P4HA3: variants seen among roughly 807,000 people sequenced by gnomAD.
P4HA3 encodes prolyl 4-hydroxylase subunit alpha 3, also known as prolyl 4-hydroxylase subunit alpha-3.
P4HA3 carries 60 observed loss-of-function variants against 66.7 expected under a neutral mutation model. The ratio of observed to expected loss-of-function variants is 0.90; its 90% confidence interval spans 0.73 to 1.12. The LOEUF is 1.12. Ranked by LOEUF, P4HA3 falls within the 50% of genes most tolerant of loss-of-function variation. P4HA3 has a pLI of 0.00. For synonymous variants in P4HA3, 263 were observed against 274.6 expected, an observed-to-expected ratio of 0.96 and a Z score of 0.42; for missense variants, 683 against 685.8, an observed-to-expected ratio of 1.00 and a Z score of 0.05.
chr11:74,287,790 G>A (rs1860849916), intron 5 of P4HA3, among the ~76,000 whole-genome samples: 1 of 152,144 alleles, frequency 6.6e-6, no homozygotes, highest in Admixed American at 6.5e-5. Flanking sequence ...GCTGAGGCAG[G>A]TGGAACACTT....
At chr11:74,298,864 G>A (rs1861308881) in intron 3 of P4HA3, among the ~76,000 whole-genome samples, 1 of 152,256 alleles carries the variant, frequency 6.6e-6, no homozygotes, top group African/African-American at 2.4e-5. Flanking sequence ...GCTGTAGCTA[G>A]GGTGAAGAGA....
rs144532615 is a variant in P4HA3 at position 74,267,300 on chromosome 11, T to G, written c.1583A>C (p.His528Pro). ...GDKWVANKWI[H>P]EYGQEFRRPC... ...TCTGCGGAATTCCTGTCCATACTCA[T>G]GTATCCACTTGTTGGCCACTGGGAG... Residue 528 changes from histidine (H) to proline (P), a missense_variant, in exon 13 of 13, where the codon CAT becomes CCT. His to Pro is a moderately conservative substitution (Grantham distance 77). Coordinates refer to ENST00000331597, the MANE Select transcript of P4HA3 (RefSeq NM_182904.5). The G allele has an allele frequency of 6.2e-7, 1 of 1,614,070 alleles. No homozygotes were observed. The highest frequency in any genetic ancestry group is 1.3e-5 in the African/African-American group (1 of 74,942).
chr11:74,298,751 A>G (rs1049033531), intron 3 of P4HA3, among the ~76,000 whole-genome samples: 15 of 152,218 alleles, frequency 9.9e-5, no homozygotes, highest in African/African-American at 3.6e-4. Flanking sequence ...TGAAGAAGGA[A>G]AAGGATATCA....
intron 15 of P4HA3, chr11:74,252,327 A>C: frequency 2.0e-5 from 8 of 396,984 alleles, no homozygotes; most frequent in South Asian, 1.3e-4. Context: ...GCCTCAAGTG[A>C]TCCACCCGCA....
intron 8 of P4HA3, 139 bp from the exon 9 acceptor site, chr11:74,277,283 G>C: frequency 8.9e-7 from 1 of 1,119,858 alleles, no homozygotes; most frequent in Non-Finnish European, 1.3e-6. Flanking sequence ...AGAGAGGGAG[G>C]GAAGACAGAC....
chr11:74,287,075 C>T (rs558561301), intron 5 of P4HA3: 2 of 1,162,086 alleles, frequency 1.7e-6, no homozygotes, highest in South Asian at 3.5e-5. Flanking sequence ...CCACAGGGCC[C>T]TTGGGAAACC....
intron 15 of P4HA3, chr11:74,253,455 T>A (rs185000095): frequency 6.3e-7 from 1 of 1,588,210 alleles, no homozygotes; most frequent in Admixed American, 1.7e-5. Flanking sequence ...TATTGATAGT[T>A]ACATTTGTTT....
At chr11:74,296,603 G>A (rs1189540145) in intron 4 of P4HA3, among the ~76,000 whole-genome samples, 1 of 152,166 alleles carries the variant, frequency 6.6e-6, no homozygotes, top group Non-Finnish European at 1.5e-5. Flanking sequence ...GACATTCGAG[G>A]TGTGCCTTGT....
chr11:74,303,703 C>T (rs968819492), intron 2 of P4HA3, among the ~76,000 whole-genome samples: 1 of 151,870 alleles, frequency 6.6e-6, no homozygotes, highest in South Asian at 2.1e-4. Context: ...TGCCTCAGCT[C>T]CCGAGTAGCT....
intron 1 of P4HA3, among the ~76,000 whole-genome samples, chr11:74,310,021 A>T (rs1479740461): frequency 6.6e-6 from 1 of 152,168 alleles, no homozygotes; most frequent in Non-Finnish European, 1.5e-5. Flanking sequence ...GTCACCCCAG[A>T]ATCAGTATTA....
At chr11:74,251,135 A>G (rs1859648234) in intron 15 of P4HA3, 4 of 1,505,688 alleles carry the variant, frequency 2.7e-6, no homozygotes, top group African/African-American at 1.4e-5. Context: ...TGTGGAGCCT[A>G]TGCAGATGCA....
intron 15 of P4HA3, chr11:74,255,870 C>T (rs909185591): frequency 4.1e-6 from 2 of 489,224 alleles, no homozygotes; most frequent in African/African-American, 4.0e-5. Context: ...TCATGAGCTC[C>T]CTAGTAGAGG....
chr11:74,253,287 G>A (rs1302143241), intron 15 of P4HA3, among the ~76,000 whole-genome samples: 1 of 152,162 alleles, frequency 6.6e-6, no homozygotes, highest in Non-Finnish European at 1.5e-5. Context: ...TTTGGCTGGG[G>A]CCCTTCGACC....
intron 1 of P4HA3, among the ~76,000 whole-genome samples, chr11:74,306,149 A>C (rs976133415): frequency 6.6e-6 from 1 of 152,156 alleles, no homozygotes; most frequent in African/African-American, 2.4e-5. Context: ...GGTTCAAGGA[A>C]GGAGTTTAGG....
chr11:74,294,047 A>T (rs1281214092), intron 4 of P4HA3, among the ~76,000 whole-genome samples: 1 of 152,206 alleles, frequency 6.6e-6, no homozygotes, highest in Non-Finnish European at 1.5e-5. Context: ...AGTGTTTTCC[A>T]ACTTGGTTCC....
intron 15 of P4HA3, among the ~76,000 whole-genome samples, chr11:74,252,103 CTTT>C (rs60650207): frequency 8.5e-6 from 1 of 117,006 alleles, no homozygotes; most frequent in Non-Finnish European, 1.8e-5. Context: ...TGGAGCAGGG[CTTT>C]TTTTTTTTTT....
chr11:74,269,791 A>G, intron 10 of P4HA3, 71 bp from the exon 11 acceptor site: 1 of 1,399,678 alleles, frequency 7.1e-7, no homozygotes, highest in South Asian at 1.2e-5. Flanking sequence ...ATGATGTCAC[A>G]TCTGCATAGA....
At chr11:74,299,571 C>T (rs1463234113) in intron 3 of P4HA3, among the ~76,000 whole-genome samples, 4 of 151,320 alleles carry the variant, frequency 2.6e-5, no homozygotes, top group Non-Finnish European at 5.9e-5. Flanking sequence ...CTTCAAGTCC[C>T]AGCAATATGG....
At chr11:74,262,680 T>TC (rs1170499142), downstream of P4HA3, among the ~76,000 whole-genome samples, 1 of 152,070 alleles carries the variant, frequency 6.6e-6, no homozygotes, top group Non-Finnish European at 1.5e-5. Flanking sequence ...GTTTGTTTCC[T>TC]CCCCCTAGCC....
Sources: gnomAD v4.1 joint callset for allele counts (sites outside exome capture counted in the v4.1 genomes callset) on GRCh38, gnomAD v4.1.1 for gene constraint, MANE v1.5 for transcripts, NCBI Gene and HGNC (gene_info 2026-07-23, HGNC 2026-07-21) for gene names.